The following MTHFD1L variants were observed in gnomAD, a reference collection of about 807,000 sequenced individuals.
The protein encoded by MTHFD1L is monofunctional C1-tetrahydrofolate synthase, mitochondrial.
In MTHFD1L, 81 loss-of-function variants were observed where a neutral mutation model predicts 119.5. The observed-to-expected ratio is 0.68, with a 90% confidence interval of 0.57 to 0.82. The LOEUF (loss-of-function observed/expected upper bound fraction) is 0.82. Among genes scored for constraint, MTHFD1L ranks in the 40% least tolerant of loss-of-function variants. The pLI, the probability that MTHFD1L is intolerant of heterozygous loss-of-function variation, is 0.00. For synonymous variants in MTHFD1L, 430 were observed against 475.2 expected (o/e 0.90, Z 1.24); for missense variants, 1,125 against 1,253.4 (o/e 0.90, Z 1.55).
intron 7 of MTHFD1L, chr6:150,898,880 C>A: frequency 2.2e-6 from 1 of 448,174 alleles, no homozygotes; most frequent in Non-Finnish European, 3.7e-6. Context: ...GTTCTGTCAC[C>A]AGGCTGGAGT....
At chr6:150,974,724 C>CTTTTTT (rs58490721) in intron 20 of MTHFD1L, among the ~76,000 whole-genome samples, 1 of 144,620 alleles carries the variant, frequency 6.9e-6, no homozygotes. Flanking sequence ...AATTCTCTTC[C>CTTTTTT]TTTTTTTTTT....
At chr6:150,950,311 T>C (rs1405749895) in intron 16 of MTHFD1L, among the ~76,000 whole-genome samples, 1 of 152,150 alleles carries the variant, frequency 6.6e-6, no homozygotes, top group African/African-American at 2.4e-5. Context: ...GCCATCTCCA[T>C]CCTGTCTCCT....
At chr6:150,871,436 G>A (rs1394222660) in intron 1 of MTHFD1L, among the ~76,000 whole-genome samples, 6 of 149,008 alleles carry the variant, frequency 4.0e-5, no homozygotes, top group East Asian at 2.0e-4. Flanking sequence ...CAAAATGGGC[G>A]TCAATCCTCT....
chr6:150,866,863 G>A (rs1778446626), intron 1 of MTHFD1L, among the ~76,000 whole-genome samples: 1 of 152,166 alleles, frequency 6.6e-6, no homozygotes, highest in South Asian at 2.1e-4. Context: ...ACGGGTCTCG[G>A]GCCTTGCAGG....
intron 5 of MTHFD1L, among the ~76,000 whole-genome samples, chr6:150,883,205 G>GT (rs1781651567): frequency 6.6e-6 from 1 of 151,946 alleles, no homozygotes; most frequent in Non-Finnish European, 1.5e-5. Flanking sequence ...GCTAATTTTT[G>GT]TATTTTTAGT....
chr6:150,927,766 A>T (rs1057086633), intron 11 of MTHFD1L, among the ~76,000 whole-genome samples: 22 of 151,924 alleles, frequency 1.4e-4, no homozygotes, highest in Admixed American at 6.6e-5. Flanking sequence ...CACATCCCAG[A>T]TTCTTAAACA....
At position 150,866,636 on chromosome 6, in the gene MTHFD1L, G is replaced by A. The variant is rs559820854; in HGVS notation, c.227+587G>A. 7 of 1,206,914 alleles carry A rather than the reference G, an allele frequency of 5.8e-6. No individual in the cohort carries two copies. The African/African-American group carries it at 7.9e-5, about 14-fold the overall frequency. The allele number at this position is 1,206,914 out of a possible 1,614,324, so 74.8% of individuals were successfully genotyped here. On this transcript the variant is annotated intron_variant, in intron 1 of 27. Transcript: ENST00000367321. ...GTCCGCTTTTCCCGGAACGGCAAAG[G>A]TGGAGCCGGGCCCCCGGGACAGCCG...
At chr6:150,999,086 C>T (rs913561312) in intron 20 of MTHFD1L, among the ~76,000 whole-genome samples, 1 of 151,696 alleles carries the variant, frequency 6.6e-6, no homozygotes, top group East Asian at 1.9e-4. Flanking sequence ...GGGGTCCCAA[C>T]CCCAAGATAT....
intron 26 of MTHFD1L, among the ~76,000 whole-genome samples, chr6:151,090,125 C>T (rs571354609): frequency 9.4e-4 from 143 of 152,296 alleles, no homozygotes; most frequent in Non-Finnish European, 1.7e-3. Context: ...ATGTGTTCCC[C>T]CAGCCTCCCC....
At chr6:150,910,293 G>T (rs1415857441) in intron 8 of MTHFD1L, among the ~76,000 whole-genome samples, 1 of 152,122 alleles carries the variant, frequency 6.6e-6, no homozygotes, top group Non-Finnish European at 1.5e-5. Context: ...GCCGGATGCG[G>T]TGGCTCACGC....
chr6:151,060,342 G>A (rs551208811), intron 26 of MTHFD1L, among the ~76,000 whole-genome samples: 1 of 152,298 alleles, frequency 6.6e-6, no homozygotes, highest in South Asian at 2.1e-4. Flanking sequence ...CCTCATTTCT[G>A]ATTCACTCAT....
At chr6:150,947,722 A>G (rs1794215050) in intron 15 of MTHFD1L, among the ~76,000 whole-genome samples, 1 of 152,106 alleles carries the variant, frequency 6.6e-6, no homozygotes, top group Non-Finnish European at 1.5e-5. Context: ...GGCATCAATT[A>G]TATGGACAGA....
At chr6:150,957,556 T>G (rs1213198179) in intron 17 of MTHFD1L, among the ~76,000 whole-genome samples, 2 of 152,176 alleles carry the variant, frequency 1.3e-5, no homozygotes, top group African/African-American at 4.8e-5. Context: ...AAATTCTGTG[T>G]ATTAGGATAT....
At position 150,876,109 on chromosome 6, in the gene MTHFD1L, AAAG is replaced by A. The variant is rs1562295875; in HGVS notation, c.251_253del (p.Glu84del). 2.5e-6 allele frequency: 4 copies of A among 1,608,714 alleles called. No individual in the cohort carries two copies. Among genetic ancestry groups the A allele is most frequent in the Non-Finnish European group, 3.4e-6 (4 of 1,177,574 alleles). The stretch of plus-strand genomic sequence containing the variant: ...ATGTAGAGAAGTCATTCAGAATTCA[AAAG>A]AAGTTCTAAGTTTATTGCAAGAAAA... On this transcript the variant is annotated inframe_deletion, in exon 2 of 28. Coordinates refer to ENST00000367321, the MANE Select transcript of MTHFD1L (RefSeq NM_015440.5).
intron 26 of MTHFD1L, among the ~76,000 whole-genome samples, chr6:151,056,640 G>A (rs1562608008): frequency 6.6e-6 from 1 of 152,184 alleles, no homozygotes; most frequent in Non-Finnish European, 1.5e-5. Flanking sequence ...GGACACTGGT[G>A]CTGTGGGGAA....
rs1349226126 is a variant in MTHFD1L at position 150,995,305 on chromosome 6, G to A, written c.2126-14514G>A. 4.6e-5 allele frequency among the ~76,000 whole-genome samples: 7 copies of A among 151,966 alleles called. No homozygotes were observed. In the East Asian group the frequency reaches 7.8e-4, roughly 17 times the overall value. On this transcript the variant is annotated intron_variant, in intron 20 of 27. Transcript: ENST00000367321. ...CGAGGCAGGCAGATCGCCTGAGGTC[G>A]GGAGTTCGAGACCAGCCTGACCAAC...
At chr6:150,968,705 G>A (rs985533053) in intron 19 of MTHFD1L, among the ~76,000 whole-genome samples, 1 of 151,092 alleles carries the variant, frequency 6.6e-6, no homozygotes, top group East Asian at 2.0e-4. Context: ...AAGTAGAGAT[G>A]GGGTTTCACC....
At position 150,895,864 on chromosome 6, in the gene MTHFD1L, G is replaced by A. The variant is rs115964420; in HGVS notation, c.780+7883G>A. The stretch of plus-strand genomic sequence containing the variant: ...TTACATGACAATTCTCCTTTTAACA[G>A]GATGGAATGCACTTAAAGCAGTAAT... On this transcript the variant is annotated intron_variant, in intron 7 of 27. Coordinates refer to ENST00000367321, the MANE Select transcript of MTHFD1L (RefSeq NM_015440.5). Among the ~76,000 whole-genome samples the A allele has an allele frequency of 6.2e-3, 944 of 152,240 alleles. 9 individuals carry two copies. The highest frequency in any genetic ancestry group is 0.021 in the African/African-American group (890 of 41,542).
intron 26 of MTHFD1L, among the ~76,000 whole-genome samples, chr6:151,066,038 AG>A (rs201968130): frequency 0.032 from 4,925 of 152,344 alleles, 160 homozygotes; most frequent in Admixed American, 0.1. Flanking sequence ...TCATGTTGAT[AG>A]GATTCTGCCC....
Sources: gnomAD v4.1 joint callset for allele counts (sites outside exome capture counted in the v4.1 genomes callset) on GRCh38, gnomAD v4.1.1 for gene constraint, MANE v1.5 for transcripts, NCBI Gene and HGNC (gene_info 2026-07-23, HGNC 2026-07-21) for gene names.